The following LRP2 variants were observed in gnomAD, a reference collection of about 807,000 sequenced individuals.
LRP2 encodes the protein LDL receptor related protein 2.
A neutral mutation model predicts 531.0 loss-of-function variants in LRP2; 172 were observed. That is an observed-to-expected ratio of 0.32 (90% CI 0.29 to 0.37). LRP2 has a LOEUF of 0.37. LRP2 is among the 10% of genes least tolerant of loss of function. The pLI, the probability that LRP2 is intolerant of heterozygous loss-of-function variation, is 1.00. For missense variants in LRP2, 5,167 were observed against 5,868.3 expected, an observed-to-expected ratio of 0.88 and a Z score of 3.90; for synonymous variants, 1,992 against 2,027.6, an observed-to-expected ratio of 0.98 and a Z score of 0.47.
chr2:169,199,630 A>G (rs1201366054), intron 44 of LRP2, among the ~76,000 whole-genome samples: 1 of 152,326 alleles, frequency 6.6e-6, no homozygotes, highest in East Asian at 1.9e-4. Context: ...AGCAATAGAT[A>G]AAGCTAACTA....
chr2:169,358,668 A>G (rs1686058084), intron 1 of LRP2, among the ~76,000 whole-genome samples: 1 of 152,184 alleles, frequency 6.6e-6, no homozygotes, highest in Non-Finnish European at 1.5e-5. Flanking sequence ...CTAACTCTTA[A>G]AAACATTACC....
At chr2:169,307,478 G>C in intron 3 of LRP2, 81 bp from the exon 4 acceptor site, 1 of 890,134 alleles carries the variant, frequency 1.1e-6, no homozygotes, top group East Asian at 2.6e-5. Flanking sequence ...AAGGATATTG[G>C]AAAGCATAAA....
chr2:169,329,352 G>C (rs950792947), intron 1 of LRP2, among the ~76,000 whole-genome samples: 1 of 152,124 alleles, frequency 6.6e-6, no homozygotes, highest in Non-Finnish European at 1.5e-5. Context: ...AGACCAGCCT[G>C]GCCAACATGG....
chr2:169,233,284 G>A, intron 30 of LRP2, 127 bp downstream of exon 30: 1 of 980,830 alleles, frequency 1.0e-6, no homozygotes, highest in Non-Finnish European at 1.6e-6. Flanking sequence ...ATAGTGGGGT[G>A]GTTTGTAAAG....
At chr2:169,354,006 T>C (rs1685925112) in intron 1 of LRP2, among the ~76,000 whole-genome samples, 1 of 152,128 alleles carries the variant, frequency 6.6e-6, no homozygotes, top group African/African-American at 2.4e-5. Flanking sequence ...AGACCTTGTC[T>C]CAAAAAATAA....
intron 19 of LRP2, among the ~76,000 whole-genome samples, chr2:169,255,231 C>G (rs1476203835): frequency 6.6e-6 from 1 of 152,126 alleles, no homozygotes; most frequent in Admixed American, 6.5e-5. Flanking sequence ...CAAACAGACC[C>G]AGGATAGATT....
chr2:169,348,336 C>T (rs2544390), intron 1 of LRP2, among the ~76,000 whole-genome samples: 67,756 of 151,964 alleles, frequency 0.45, 16,653 homozygotes, highest in African/African-American at 0.66. Context: ...GGAGACTATG[C>T]CCAGGAGACA....
In LRP2 at chr2:169,128,091, A is replaced by C. The variant is rs1260675372; in HGVS notation, c.*572T>G. The C allele has an allele frequency of 6.5e-6, 1 of 153,888 alleles. No individual in the cohort carries two copies. The highest frequency in any genetic ancestry group is 2.4e-5 in the African/African-American group (1 of 41,452). The allele number at this position is 153,888 out of a possible 1,614,324, so 9.5% of individuals were successfully genotyped here. A position where few individuals can be genotyped will look rare whatever the true frequency, so the allele number is the denominator to read the frequency against. On this transcript the variant is annotated 3_prime_UTR_variant, in exon 79 of 79. Transcript: ENST00000649046. ...CTTTTCCTACCTTCTGTATTATCTG[A>C]GGAGTCTACAGTCAAGTCCAGATGT...
At chr2:169,299,123 GA>G (rs1375043180) in intron 4 of LRP2, among the ~76,000 whole-genome samples, 1 of 88,016 alleles carries the variant, frequency 1.1e-5, no homozygotes, top group African/African-American at 4.4e-5. Flanking sequence ...AAGAAAGAAA[GA>G]AAGAAAGAAA....
At chr2:169,247,021 TACATTTTC>T in intron 20 of LRP2, 35 bp from the exon 21 acceptor site, 1 of 1,611,328 alleles carries the variant, frequency 6.2e-7, no homozygotes, top group Admixed American at 1.7e-5. Flanking sequence ...GTCAGTCATG[TACATTTTC>T]ACTAGGTAGG....
Position 169,205,553 on chromosome 2 carries a change from G to A in LRP2, c.7641C>T (p.Asn2547=). The change falls in exon 41 of 79, where the codon AAC becomes AAT. Residue 2547 remains asparagine (N), a synonymous_variant. Transcript: ENST00000649046. ...LGGNFRVPIV[N]SSLVMPSGLT... Reference sequence around the variant, plus strand: ...GCCCACTGGGCATGACCAGACTGCTGTTCACAATGGGTACGCGGAAGTTTC... The same window carrying A: ...GCCCACTGGGCATGACCAGACTGCTATTCACAATGGGTACGCGGAAGTTTC... 2.5e-6 allele frequency: 4 copies of A among 1,614,090 alleles called. No homozygotes were observed. The highest frequency in any genetic ancestry group is 3.4e-6 in the Non-Finnish European group (4 of 1,179,986).
At chr2:169,195,449 GA>G (rs1209894673) in intron 46 of LRP2, among the ~76,000 whole-genome samples, 1 of 151,938 alleles carries the variant, frequency 6.6e-6, no homozygotes, top group South Asian at 2.1e-4. Context: ...GGAGAAGGAT[GA>G]AAAAATGTAA....
intron 3 of LRP2, among the ~76,000 whole-genome samples, chr2:169,308,163 T>C (rs540162998): frequency 1.3e-5 from 2 of 152,132 alleles, no homozygotes; most frequent in African/African-American, 2.4e-5. Context: ...TATAATCCCC[T>C]AATGGAAGAA....
chr2:169,206,474 T>C lies in LRP2; in HGVS notation c.7246A>G (p.Asn2416Asp). The C allele has an allele frequency of 6.2e-7, 1 of 1,614,140 alleles. No homozygotes were observed. The highest frequency in any genetic ancestry group is 1.1e-5 in the South Asian group (1 of 91,086). Residue 2416 changes from asparagine (N) to aspartate (D), a missense_variant, in exon 39 of 79, where the codon AAT (asparagine) becomes GAT (aspartate). Around this residue, in one of 6 missense-constraint regions of LRP2, gnomAD observed 2,811 missense variants for 3,058.0 expected, o/e 0.92. Coordinates refer to ENST00000649046, the MANE Select transcript of LRP2 (RefSeq NM_004525.3). ...ENHSPPFQTI[N>D]VERTVMSLDY... ...AGAGACATGACAGTTCTTTCCACAT[T>C]TATTGTTTGGAAAGGTGGGCTATGG...
chr2:169,162,235 TAAGA>T (rs927826803), intron 63 of LRP2, among the ~76,000 whole-genome samples: 1 of 152,148 alleles, frequency 6.6e-6, no homozygotes, highest in African/African-American at 2.4e-5. Context: ...CATTTGTACA[TAAGA>T]AAGAGATAAT....
intron 8 of LRP2, among the ~76,000 whole-genome samples, chr2:169,290,451 C>T (rs999518610): frequency 1.3e-5 from 2 of 151,922 alleles, no homozygotes; most frequent in African/African-American, 4.8e-5. Flanking sequence ...TAGGCTCTTC[C>T]CATCAATAGA....
chr2:169,231,923 C>A (rs916885773), intron 30 of LRP2, 81 bp from the exon 31 acceptor site: 5 of 1,543,986 alleles, frequency 3.2e-6, no homozygotes, highest in Non-Finnish European at 3.5e-6. Context: ...TCTTAGTGTC[C>A]TTCCAGAGGC....
At chr2:169,329,858 T>C (rs1181098457) in intron 1 of LRP2, among the ~76,000 whole-genome samples, 1 of 152,144 alleles carries the variant, frequency 6.6e-6, no homozygotes, top group Non-Finnish European at 1.5e-5. Context: ...CTGGTACTGG[T>C]CCGTGGCCTG....
chr2:169,299,449 T>C (rs759631054), intron 4 of LRP2, among the ~76,000 whole-genome samples: 5 of 150,704 alleles, frequency 3.3e-5, no homozygotes, highest in Non-Finnish European at 7.4e-5. Flanking sequence ...CTCCAAGGAG[T>C]CCAGATCCAC....
Sources: gnomAD v4.1 joint callset for allele counts (sites outside exome capture counted in the v4.1 genomes callset) on GRCh38, gnomAD v4.1.1 for gene constraint, gnomAD v4.1.1 regional missense constraint, MANE v1.5 for transcripts, NCBI Gene and HGNC (gene_info 2026-07-23, HGNC 2026-07-21) for gene names.